HS6ST3: variants seen among roughly 807,000 people sequenced by gnomAD.
The protein encoded by HS6ST3 is heparan sulfate 6-O-sulfotransferase 3.
In HS6ST3, 12 loss-of-function variants were observed where a neutral mutation model predicts 36.7. That is an observed-to-expected ratio of 0.33 (90% CI 0.21 to 0.53). The LOEUF (loss-of-function observed/expected upper bound fraction) is 0.53. Among genes scored for constraint, HS6ST3 ranks in the 20% least tolerant of loss-of-function variants. The pLI, the probability that HS6ST3 is intolerant of heterozygous loss-of-function variation, is 0.95. For synonymous variants in HS6ST3, 240 were observed against 257.5 expected (o/e 0.93, Z 0.65); for missense variants, 584 against 640.9 (o/e 0.91, Z 0.96).
At chr13:96,656,329 G>T (rs1001088044) in intron 1 of HS6ST3, among the ~76,000 whole-genome samples, 5 of 152,116 alleles carry the variant, frequency 3.3e-5, no homozygotes, top group Admixed American at 6.6e-5. Context: ...TACAAGTTAT[G>T]TATCTTTACA....
At chr13:96,533,733 G>T (rs2056144689) in intron 1 of HS6ST3, among the ~76,000 whole-genome samples, 1 of 152,148 alleles carries the variant, frequency 6.6e-6, no homozygotes, top group African/African-American at 2.4e-5. Context: ...CATCACCAGA[G>T]GCCCCAAACT....
intron 1 of HS6ST3, among the ~76,000 whole-genome samples, chr13:96,124,411 A>G (rs1313799002): frequency 6.6e-6 from 1 of 152,122 alleles, no homozygotes; most frequent in Non-Finnish European, 1.5e-5. Flanking sequence ...CTGCTTCCTT[A>G]CTGTGACACA....
intron 1 of HS6ST3, among the ~76,000 whole-genome samples, chr13:96,447,721 T>C (rs2011392): frequency 0.68 from 103,979 of 151,984 alleles, 37,356 homozygotes; most frequent in African/African-American, 0.91. Flanking sequence ...CATGCCTGGT[T>C]AAACCAATCT....
chr13:96,112,578 A>AATATACATATATATATACATATATAT (rs397773858), intron 1 of HS6ST3, among the ~76,000 whole-genome samples: 5 of 81,248 alleles, frequency 6.2e-5, no homozygotes, highest in African/African-American at 2.4e-4. Flanking sequence ...AAAATAAATA[A>AATATACATATATATATACATATATAT]ATATATATAT....
intron 1 of HS6ST3, among the ~76,000 whole-genome samples, chr13:96,135,761 C>T (rs548374279): frequency 6.6e-6 from 1 of 152,290 alleles, no homozygotes; most frequent in East Asian, 1.9e-4. Context: ...GCCAGAGACC[C>T]ACAGCCAGTG....
At chr13:96,748,549 C>T (rs1876618848) in intron 1 of HS6ST3, among the ~76,000 whole-genome samples, 1 of 152,096 alleles carries the variant, frequency 6.6e-6, no homozygotes, top group Non-Finnish European at 1.5e-5. Context: ...CTAGTCAGAA[C>T]TGTGCTGGTT....
chr13:96,169,971 A>T (rs990509757), intron 1 of HS6ST3: 6 of 152,230 alleles, frequency 3.9e-5, no homozygotes, highest in Non-Finnish European at 5.9e-5. Flanking sequence ...TTACCATATT[A>T]ACCAACCCAG....
intron 1 of HS6ST3, among the ~76,000 whole-genome samples, chr13:96,442,044 C>T (rs1382156699): frequency 2.0e-5 from 3 of 148,870 alleles, no homozygotes; most frequent in Non-Finnish European, 4.4e-5. Flanking sequence ...TTTTTTCAGA[C>T]AGAGTCTTAC....
At chr13:96,365,060 G>A (rs2139437650) in intron 1 of HS6ST3, among the ~76,000 whole-genome samples, 1 of 152,260 alleles carries the variant, frequency 6.6e-6, no homozygotes. Flanking sequence ...CAAACTCTTA[G>A]ATTCTTCCTT....
intron 1 of HS6ST3, among the ~76,000 whole-genome samples, chr13:96,743,697 C>T (rs141995676): frequency 6.6e-6 from 1 of 152,034 alleles, no homozygotes; most frequent in East Asian, 1.9e-4. Context: ...CTTAGATTGA[C>T]AATGAGGGTG....
intron 1 of HS6ST3, among the ~76,000 whole-genome samples, chr13:96,203,020 C>T (rs1246310560): frequency 6.6e-6 from 1 of 152,190 alleles, no homozygotes; most frequent in African/African-American, 2.4e-5. Flanking sequence ...CACTCATTTA[C>T]TCACTCCCTC....
chr13:96,606,382 T>C (rs1394670920), intron 1 of HS6ST3, among the ~76,000 whole-genome samples: 1 of 151,938 alleles, frequency 6.6e-6, no homozygotes, highest in Non-Finnish European at 1.5e-5. Context: ...TATGGAATAC[T>C]ATGCAGCCAT....
At chr13:96,183,203 G>C (rs184418671) in intron 1 of HS6ST3, among the ~76,000 whole-genome samples, 21 of 151,692 alleles carry the variant, frequency 1.4e-4, no homozygotes, top group Admixed American at 1.2e-3. Context: ...TTTTTTTGGC[G>C]GGGGGGAAGT....
chr13:96,250,480 G>A (rs551972133), intron 1 of HS6ST3, among the ~76,000 whole-genome samples: 8 of 152,360 alleles, frequency 5.3e-5, no homozygotes, highest in African/African-American at 1.7e-4. Flanking sequence ...AAGGCTGTGT[G>A]AAGACATATG....
At chr13:96,159,982 A>AT (rs2054128341) in intron 1 of HS6ST3, among the ~76,000 whole-genome samples, 1 of 152,182 alleles carries the variant, frequency 6.6e-6, no homozygotes, top group African/African-American at 2.4e-5. Flanking sequence ...CAGTTCTCTC[A>AT]TTTGTAAAAT....
chr13:96,382,471 A>G (rs1415517451), intron 1 of HS6ST3, among the ~76,000 whole-genome samples: 1 of 152,236 alleles, frequency 6.6e-6, no homozygotes, highest in Non-Finnish European at 1.5e-5. Flanking sequence ...TCCAGAAAAT[A>G]TATCTTGATA....
intron 1 of HS6ST3, among the ~76,000 whole-genome samples, chr13:96,155,349 A>G (rs2139325599): frequency 6.6e-6 from 1 of 151,936 alleles, no homozygotes; most frequent in East Asian, 1.9e-4. Flanking sequence ...ATAACAAAAA[A>G]AACAGCTTTT....
At position 96,346,372 on chromosome 13, in the gene HS6ST3, A is replaced by G. The variant is rs575910000; in HGVS notation, c.707+254803A>G. Among the ~76,000 whole-genome samples the G allele has an allele frequency of 9.9e-5, 15 of 152,206 alleles. No homozygotes were observed. In the South Asian group the frequency reaches 2.9e-3, roughly 29 times the overall value. On this transcript the variant is annotated intron_variant, in intron 1 of 1. Transcript: ENST00000376705. Reference sequence around the variant, plus strand: ...GGCGGATCATGAGATCAGGAGATCAAGACCATCCTGGCTAAAACGGTGAAA... The same window carrying G: ...GGCGGATCATGAGATCAGGAGATCAGGACCATCCTGGCTAAAACGGTGAAA...
chr13:96,569,193 G>A (rs1382967019), intron 1 of HS6ST3, among the ~76,000 whole-genome samples: 2 of 152,146 alleles, frequency 1.3e-5, no homozygotes, highest in Non-Finnish European at 2.9e-5. Flanking sequence ...TCTACTAGAC[G>A]TTCAATAGCT....
Sources: gnomAD v4.1 joint callset for allele counts (sites outside exome capture counted in the v4.1 genomes callset) on GRCh38, gnomAD v4.1.1 for gene constraint, MANE v1.5 for transcripts, NCBI Gene and HGNC (gene_info 2026-07-23, HGNC 2026-07-21) for gene names.